Variants in GET4 observed in about 807,000 individuals in gnomAD.
GET4 encodes the protein Golgi to ER traffic protein 4 homolog.
A neutral mutation model predicts 40.0 loss-of-function variants in GET4; 20 were observed. The ratio of observed to expected loss-of-function variants is 0.50; its 90% CI spans 0.35 to 0.73. GET4 has a LOEUF of 0.73. Among genes scored for constraint, GET4 ranks in the 30% least tolerant of loss-of-function variants. The pLI is 0.01. For missense variants in GET4, 557 were observed against 454.0 expected (o/e 1.23, Z -2.06); for synonymous variants, 280 against 194.6 (o/e 1.44, Z -3.65).
intron 4 of GET4, among the ~76,000 whole-genome samples, chr7:890,403 C>G (rs56134686): frequency 1.6e-5 from 1 of 62,844 alleles, no homozygotes; most frequent in Non-Finnish European, 3.1e-5. Flanking sequence ...GGAGTGTGAG[C>G]GGGTGTTAGG....
chr7:895,335 G>T lies in GET4; in HGVS notation c.897G>T (p.Gly299=). ...KQTSSYGGLL[G]NLLTSLMGSS... ...CTGCCACGGTGTTCTTCTTTCCAGG[G>T]AACCTTCTGACCAGCCTCATGGGCT... The change falls in exon 9 of 9, where the codon GGG becomes GGT. Residue 299 remains glycine (G), a splice_region_variant and synonymous_variant. Coordinates refer to ENST00000265857, the MANE Select transcript of GET4 (RefSeq NM_015949.3). 6.5e-7 allele frequency: 1 copy of T among 1,539,096 alleles called. No homozygotes were observed.
At position 876,687 on chromosome 7, in the gene GET4, G is replaced by C. The variant is rs963339303; in HGVS notation, c.42G>C (p.Arg14=). Residue 14 remains arginine, a synonymous_variant, in exon 1 of 9, where the codon CGG becomes CGC. Transcript: ENST00000265857. ...CGATGGCCGAGCAGGAGAGCGCCCG[G>C]AACGGCGGCCGCAACCGCGGCGGCG... The part of the protein sequence containing the change: ...AAAMAEQESA[R]NGGRNRGGVQ... 1.5e-6 allele frequency: 2 copies of C among 1,349,290 alleles called. No homozygotes were observed. The highest frequency in any genetic ancestry group is 3.1e-5 in the African/African-American group (2 of 64,368). 83.6% of individuals were successfully genotyped at this position (1,349,290 alleles called of 1,614,324 possible). A position where few individuals can be genotyped will look rare whatever the true frequency, so the allele number is the denominator to read the frequency against.
At chr7:887,833 C>T (rs1844224630) in intron 4 of GET4, among the ~76,000 whole-genome samples, 1 of 152,212 alleles carries the variant, frequency 6.6e-6, no homozygotes, top group South Asian at 2.1e-4. Context: ...ACATTCTTTC[C>T]AGCGCTGGGA....
chr7:893,761 T>C lies in GET4; in HGVS notation c.768T>C (p.Thr256=), dbSNP rs376281043. 4.7e-5 allele frequency: 76 copies of C among 1,609,470 alleles called. No individual in the cohort carries two copies. Among genetic ancestry groups the C allele is most frequent in the Admixed American group, 8.3e-5 (5 of 59,888 alleles). ...CCAGTGGGAAGCTGACGGTGTTCACTGTGCTGTGTGAGCAGTACCAGCCAT... is the reference window on the plus strand; with the variant it reads ...CCAGTGGGAAGCTGACGGTGTTCACCGTGCTGTGTGAGCAGTACCAGCCAT... ...AVDGGKLTVF[T]VLCEQYQPSL... Residue 256 remains threonine, a synonymous_variant, in exon 7 of 9, where the codon ACT becomes ACC. Coordinates refer to ENST00000265857, the MANE Select transcript of GET4 (RefSeq NM_015949.3).
chr7:882,535 G>T (rs1844106549), intron 1 of GET4: 1 of 152,746 alleles, frequency 6.5e-6, no homozygotes, highest in Admixed American at 6.5e-5. Flanking sequence ...GGCCGACCTT[G>T]CCCCGGGGAT....
chr7:878,343 T>C (rs1194078580), intron 1 of GET4: 1 of 471,166 alleles, frequency 2.1e-6, no homozygotes, highest in Non-Finnish European at 4.4e-6. Flanking sequence ...TGGCATTCTG[T>C]AAATTATGCA....
Position 892,313 on chromosome 7 carries a change from T to G in GET4, c.641T>G (p.Val214Gly). 1 of 1,592,834 alleles carries G rather than the reference T, an allele frequency of 6.3e-7. No homozygotes were observed. The highest frequency in any genetic ancestry group is 8.6e-7 in the Non-Finnish European group (1 of 1,162,070). ...LCLKNKSSASVVFTTYTQKHP... is the reference protein window; with the variant it reads ...LCLKNKSSASGVFTTYTQKHP... ...TTAAAAAACAAAAGTAGCGCATCGGTGGTCTTCACGACGTACACCCAGAAG... is the reference window on the plus strand; with the variant it reads ...TTAAAAAACAAAAGTAGCGCATCGGGGGTCTTCACGACGTACACCCAGAAG... Residue 214 changes from valine (V) to glycine (G), a missense_variant, in exon 6 of 9, where the codon GTG becomes GGG. Coordinates refer to ENST00000265857, the MANE Select transcript of GET4 (RefSeq NM_015949.3).
intron 4 of GET4, among the ~76,000 whole-genome samples, chr7:890,355 AGT>A (rs1326135589): frequency 0.1 from 3,688 of 36,866 alleles, 920 homozygotes; most frequent in African/African-American, 0.15. Context: ...GAGTGGAGGG[AGT>A]GCGAGCGGGT....
In GET4 at chr7:887,300, T is replaced by C. The variant is rs1471984280; in HGVS notation, c.317-70T>C. On this transcript the variant is annotated intron_variant, in intron 3 of 8. Coordinates refer to ENST00000265857, the MANE Select transcript of GET4 (RefSeq NM_015949.3). ...GTAGTTGCGAATGGAAATCCACTTC[T>C]GTGGGGAATGTGGGACAGAGAGCCG... The C allele has an allele frequency of 5.5e-6, 8 of 1,448,356 alleles. No individual in the cohort carries two copies. In the Admixed American group the frequency reaches 1.2e-4, roughly 22 times the overall value. 89.7% of individuals were successfully genotyped at this position (1,448,356 alleles called of 1,614,324 possible). A position where few individuals can be genotyped will look rare whatever the true frequency, so the allele number is the denominator to read the frequency against.
rs1426316467 is a variant in GET4, at chr7:876,596, C to G, written c.-50C>G. 6 of 1,158,070 alleles carry G rather than the reference C, an allele frequency of 5.2e-6. No homozygotes were observed. Among genetic ancestry groups the G allele is most frequent in the South Asian group, 4.2e-5 (1 of 23,790 alleles). The allele number at this position is 1,158,070 out of a possible 1,614,324, so 71.7% of individuals were successfully genotyped here. On this transcript the variant is annotated 5_prime_UTR_variant, in exon 1 of 9. Transcript: ENST00000265857. The stretch of plus-strand genomic sequence containing the variant: ...CCGTCGGGACGGAAGCCGGGAGGCG[C>G]TGCCGACCGCGCCTGCGACAGCGTC...
rs561663612 is a variant in GET4, at chr7:895,526, G to T, written c.*104G>T. 13 of 576,246 alleles carry T rather than the reference G, an allele frequency of 2.3e-5. No individual in the cohort carries two copies. The African/African-American group carries it at 2.3e-4, about 10-fold the overall frequency. The allele number at this position is 576,246 out of a possible 1,614,324, so 35.7% of individuals were successfully genotyped here. A position where few individuals can be genotyped will look rare whatever the true frequency, so the allele number is the denominator to read the frequency against. On this transcript the variant is annotated 3_prime_UTR_variant, in exon 9 of 9. Coordinates refer to ENST00000265857, the MANE Select transcript of GET4 (RefSeq NM_015949.3). ...CGCCTTGGGGGCTCCTGGCCCTGAG[G>T]CTGGCGGTGGCCGCATGCCGGCGCG... is the stretch of plus-strand genomic sequence containing the variant.
Position 896,424 on chromosome 7 carries a change from C to T in GET4, c.*1002C>T, listed in dbSNP as rs889497415. On this transcript the variant is annotated 3_prime_UTR_variant, in exon 9 of 9. Coordinates refer to ENST00000265857, the MANE Select transcript of GET4 (RefSeq NM_015949.3). The stretch of plus-strand genomic sequence containing the variant: ...GTGAACCGTTGCGCATAAATAAACC[C>T]TTTCTACCGGGCTGTGCAACGCTGG... The T allele has an allele frequency of 5.9e-5, 9 of 152,198 alleles. No homozygotes were observed. Among genetic ancestry groups the T allele is most frequent in the Non-Finnish European group, 1.0e-4 (7 of 68,040 alleles). 9.4% of individuals were successfully genotyped at this position (152,198 alleles called of 1,614,324 possible). A position where few individuals can be genotyped will look rare whatever the true frequency, so the allele number is the denominator to read the frequency against.
At chr7:878,130 G>T (rs1392477258) in intron 1 of GET4, 6 of 375,376 alleles carry the variant, frequency 1.6e-5, no homozygotes, top group South Asian at 9.6e-5. Context: ...ACCTAGGCTC[G>T]GTGACACCTG....
In GET4 at chr7:895,452, T is replaced by G. The variant is rs780396845; in HGVS notation, c.*30T>G. 12 of 1,202,910 alleles carry G rather than the reference T, an allele frequency of 1.0e-5. No homozygotes were observed. Among genetic ancestry groups the G allele is most frequent in the Non-Finnish European group, 7.4e-6 (6 of 816,188 alleles). The allele number at this position is 1,202,910 out of a possible 1,614,324, so 74.5% of individuals were successfully genotyped here. ...GCCAGGCCACGTGGAGACACCACGG[T>G]CGACGACGGCTGGAGGGACGTTTCA... On this transcript the variant is annotated 3_prime_UTR_variant, in exon 9 of 9. Transcript: ENST00000265857.
At chr7:877,165 C>T (rs982706913) in intron 1 of GET4, among the ~76,000 whole-genome samples, 1 of 151,548 alleles carries the variant, frequency 6.6e-6, no homozygotes, top group Non-Finnish European at 1.5e-5. Flanking sequence ...CGGTCTCTGT[C>T]TCTCTCCGGC....
Position 887,438 on chromosome 7 carries a change from G to T in GET4, c.385G>T (p.Ala129Ser), listed in dbSNP as rs1844214017. The change falls in exon 4 of 9, where the codon GCC becomes TCC. Residue 129 changes from alanine (A) to serine (S), a missense_variant. Physicochemically the swap from Ala to Ser is moderately conservative, Grantham distance 99. Coordinates refer to ENST00000265857, the MANE Select transcript of GET4 (RefSeq NM_015949.3). ...SPERVTFVSRALKWSSGGSGK... is the reference protein window; with the variant it reads ...SPERVTFVSRSLKWSSGGSGK... ...TGAGCGCGTGACCTTTGTGTCCAGA[G>T]CCCTGAAGTGGTCCAGTGGGGGCTC... is the stretch of plus-strand genomic sequence containing the variant. 6.2e-7 allele frequency: 1 copy of T among 1,602,868 alleles called. No homozygotes were observed. The highest frequency in any genetic ancestry group is 1.3e-5 in the African/African-American group (1 of 74,602).
chr7:888,520 A>G (rs986736476), intron 4 of GET4, among the ~76,000 whole-genome samples: 5 of 152,220 alleles, frequency 3.3e-5, no homozygotes, highest in African/African-American at 1.2e-4. Flanking sequence ...AAATCCAAGT[A>G]GAATTAGGAG....
intron 4 of GET4, 104 bp downstream of exon 4, chr7:887,623 G>A (rs759433972): frequency 4.7e-5 from 43 of 914,808 alleles, no homozygotes; most frequent in Non-Finnish European, 5.8e-5. Context: ...CAGAGATGGG[G>A]TTTCACCCTG....
chr7:893,971 G>A lies in GET4; in HGVS notation c.895G>A (p.Gly299Arg), dbSNP rs142047778. The change falls in exon 8 of 9, where the codon GGG (glycine) becomes AGG (arginine). Residue 299 changes from glycine to arginine, a missense_variant and splice_region_variant. By Grantham distance (125) the Gly-to-Arg change is moderately radical (BLOSUM62 -2). Coordinates refer to ENST00000265857, the MANE Select transcript of GET4 (RefSeq NM_015949.3). ...GACGTCTTCCTACGGGGGCCTGCTC[G>A]GTAAGCCGGGGCGCCCTTGTCACAC... ...KQTSSYGGLL[G>R]NLLTSLMGSS... 2.0e-5 allele frequency: 31 copies of A among 1,583,912 alleles called. No individual in the cohort carries two copies. Among genetic ancestry groups the A allele is most frequent in the Non-Finnish European group, 2.1e-5 (24 of 1,163,020 alleles).
Sources: allele counts gnomAD v4.1 joint callset (sites outside exome capture counted in the v4.1 genomes callset), GRCh38; gene constraint gnomAD v4.1.1; transcripts MANE v1.5; gene names NCBI Gene and HGNC (gene_info 2026-07-23, HGNC 2026-07-21).